MSTO1: variants seen among roughly 807,000 people sequenced by gnomAD.
MSTO1 encodes protein misato homolog 1.
A neutral mutation model predicts 55.7 loss-of-function variants in MSTO1; 24 were observed. That is an observed-to-expected ratio of 0.43 (90% CI 0.31 to 0.61). The LOEUF (loss-of-function observed/expected upper bound fraction) is 0.61. Ranked by LOEUF, MSTO1 falls within the 20% of genes least tolerant of loss-of-function variation. The pLI is 0.09. For missense variants in MSTO1, 363 were observed against 625.7 expected (o/e 0.58, Z 4.48); for synonymous variants, 162 against 252.8 (o/e 0.64, Z 3.41).
At chr1:155,589,019 C>T in the MSTO1 span, among the ~76,000 whole-genome samples, 1 of 152,138 alleles carries the variant, frequency 6.6e-6, no homozygotes, top group Admixed American at 6.6e-5. Flanking sequence ...TCCTCTCGGC[C>T]GGGCACGGTA....
the MSTO1 span, among the ~76,000 whole-genome samples, chr1:155,565,855 T>C: frequency 1.3e-5 from 2 of 152,184 alleles, no homozygotes; most frequent in Non-Finnish European, 2.9e-5. Context: ...CCCTGAATTA[T>C]TTGAACCAAT....
chr1:155,597,964 G>A, the MSTO1 span, among the ~76,000 whole-genome samples: 1 of 151,652 alleles, frequency 6.6e-6, no homozygotes, highest in South Asian at 2.1e-4. Context: ...TTACAGGCAC[G>A]CGCCACCACG....
the MSTO1 span, among the ~76,000 whole-genome samples, chr1:155,590,139 A>C: frequency 1.3e-5 from 2 of 152,038 alleles, no homozygotes; most frequent in African/African-American, 4.8e-5. Context: ...GGAGGTAGGC[A>C]GTCCTTTGTT....
chr1:155,588,562 G>C, the MSTO1 span, among the ~76,000 whole-genome samples: 6 of 152,172 alleles, frequency 3.9e-5, no homozygotes, highest in African/African-American at 1.4e-4. Context: ...AGCCTGTGAG[G>C]TTGCAAAGCC....
chr1:155,583,127 C>T, the MSTO1 span, among the ~76,000 whole-genome samples: 1 of 151,950 alleles, frequency 6.6e-6, no homozygotes, highest in South Asian at 2.1e-4. Flanking sequence ...CCGGCCTGGG[C>T]TTCCCAAAGT....
At chr1:155,613,975 G>A in intron 13 of MSTO1, 84 bp from the exon 14 acceptor site, 1 of 1,584,240 alleles carries the variant, frequency 6.3e-7, no homozygotes, top group Non-Finnish European at 8.6e-7. Flanking sequence ...AGTCTACTAA[G>A]GTTGGACTTC....
the MSTO1 span, among the ~76,000 whole-genome samples, chr1:155,593,599 C>T: frequency 6.6e-6 from 1 of 152,146 alleles, no homozygotes; most frequent in Non-Finnish European, 1.5e-5. Flanking sequence ...AGTGCATGTA[C>T]AATACTGTAT....
chr1:155,605,777 T>A (rs1672925742), upstream of MSTO1, among the ~76,000 whole-genome samples: 1 of 152,158 alleles, frequency 6.6e-6, no homozygotes, highest in African/African-American at 2.4e-5. Flanking sequence ...GATAATGTCT[T>A]AAAAACAAAA....
the MSTO1 span, among the ~76,000 whole-genome samples, chr1:155,580,296 C>G: frequency 6.7e-6 from 1 of 150,164 alleles, no homozygotes; most frequent in African/African-American, 2.4e-5. Context: ...GAGATGGAGG[C>G]AGGACGATCC....
At chr1:155,587,228 G>C in the MSTO1 span, among the ~76,000 whole-genome samples, 51 of 151,160 alleles carry the variant, frequency 3.4e-4, no homozygotes, top group African/African-American at 1.2e-3. Flanking sequence ...GATCACCTGA[G>C]GTAGGAGTTC....
the MSTO1 span, among the ~76,000 whole-genome samples, chr1:155,580,999 C>A: frequency 6.6e-6 from 1 of 151,246 alleles, no homozygotes; most frequent in Non-Finnish European, 1.5e-5. Flanking sequence ...GTTTTACACA[C>A]AATAGTGTGT....
the MSTO1 span, among the ~76,000 whole-genome samples, chr1:155,564,859 C>A: frequency 6.6e-6 from 1 of 152,186 alleles, no homozygotes; most frequent in Non-Finnish European, 1.5e-5. Context: ...TGGTAGCTCA[C>A]GCCTGTAATC....
the MSTO1 span, among the ~76,000 whole-genome samples, chr1:155,590,016 G>T: frequency 1.3e-5 from 2 of 151,382 alleles, no homozygotes; most frequent in Non-Finnish European, 2.9e-5. Flanking sequence ...GTGAGGCGGG[G>T]CGGGCAGGAC....
the MSTO1 span, among the ~76,000 whole-genome samples, chr1:155,580,207 A>G: frequency 2.6e-5 from 4 of 151,420 alleles, no homozygotes; most frequent in African/African-American, 4.9e-5. Flanking sequence ...CCTTGGTAAC[A>G]TAATGAGACC....
the MSTO1 span, chr1:155,563,248 A>G: frequency 2.2e-6 from 1 of 456,538 alleles, no homozygotes; most frequent in African/African-American, 2.0e-5. Flanking sequence ...CCTACTTCGC[A>G]GTAGCAGGAC....
chr1:155,587,802 T>C, the MSTO1 span, among the ~76,000 whole-genome samples: 1 of 148,508 alleles, frequency 6.7e-6, no homozygotes, highest in Non-Finnish European at 1.5e-5. Context: ...TGGGATAGGA[T>C]AATTAATATT....
the MSTO1 span, among the ~76,000 whole-genome samples, chr1:155,598,293 T>C: frequency 6.6e-6 from 1 of 152,138 alleles, no homozygotes; most frequent in South Asian, 2.1e-4. Flanking sequence ...ATTTGTATTT[T>C]TAGTAGAGAC....
chr1:155,601,817 C>T, the MSTO1 span, among the ~76,000 whole-genome samples: 8 of 151,868 alleles, frequency 5.3e-5, no homozygotes, highest in Admixed American at 4.6e-4. Context: ...TGCAGTGGCG[C>T]AATCTCGGTT....
chr1:155,578,799 C>G, the MSTO1 span, among the ~76,000 whole-genome samples: 2 of 146,430 alleles, frequency 1.4e-5, no homozygotes, highest in Non-Finnish European at 3.0e-5. Context: ...CGTGAGCCAC[C>G]GCGCCCGGCC....
Sources: gnomAD v4.1 joint callset for allele counts (sites outside exome capture counted in the v4.1 genomes callset) on GRCh38, gnomAD v4.1.1 for gene constraint, MANE v1.5 for transcripts, NCBI Gene and HGNC (gene_info 2026-07-23, HGNC 2026-07-21) for gene names.